The following DNAAF5 variants were observed in gnomAD, a reference collection of about 807,000 sequenced individuals.
DNAAF5 encodes the protein dynein axonemal assembly factor 5.
A neutral mutation model predicts 75.8 loss-of-function variants in DNAAF5; 64 were observed. The ratio of observed to expected loss-of-function variants is 0.84; its 90% CI spans 0.69 to 1.04. The LOEUF is 1.04. Ranked by LOEUF, DNAAF5 falls within the 50% of genes least tolerant of loss-of-function variation. DNAAF5 has a pLI of 0.00. For synonymous variants in DNAAF5, 657 were observed against 557.2 expected (o/e 1.18, Z -2.52); for missense variants, 1,269 against 1,178.5 (o/e 1.08, Z -1.12).
At chr7:755,844 T>G (rs1226798801) in intron 5 of DNAAF5, among the ~76,000 whole-genome samples, 1 of 152,262 alleles carries the variant, frequency 6.6e-6, no homozygotes, top group Non-Finnish European at 1.5e-5. Flanking sequence ...AATTTAAAAT[T>G]GTCTGTAGTT....
At chr7:758,303 TA>T (rs1212889311) in intron 6 of DNAAF5, among the ~76,000 whole-genome samples, 3 of 152,260 alleles carry the variant, frequency 2.0e-5, no homozygotes, top group Non-Finnish European at 4.4e-5. Context: ...ACAAACTTTA[TA>T]GCAAAGAAAG....
chr7:737,564 T>C (rs558139760), intron 2 of DNAAF5, among the ~76,000 whole-genome samples: 2 of 152,336 alleles, frequency 1.3e-5, no homozygotes, highest in South Asian at 4.1e-4. Flanking sequence ...ATCCTTATTT[T>C]TCAGATTGAA....
chr7:740,461 A>G (rs1439885676), intron 2 of DNAAF5, among the ~76,000 whole-genome samples: 1 of 152,202 alleles, frequency 6.6e-6, no homozygotes, highest in African/African-American at 2.4e-5. Flanking sequence ...GTTTTCATGC[A>G]GAAGACTTTG....
chr7:752,590 G>C (rs1157894031), intron 4 of DNAAF5, among the ~76,000 whole-genome samples: 1 of 145,924 alleles, frequency 6.9e-6, no homozygotes, highest in Non-Finnish European at 1.5e-5. Context: ...CGTGACCGCG[G>C]GCCAGGCCAC....
intron 4 of DNAAF5, among the ~76,000 whole-genome samples, chr7:751,303 A>T (rs551497894): frequency 3.3e-5 from 5 of 152,324 alleles, no homozygotes; most frequent in South Asian, 2.1e-4. Flanking sequence ...GAAAAAGGTT[A>T]AAAATGGGGT....
Position 754,265 on chromosome 7 carries a change from C to T in DNAAF5, c.1025-324C>T, listed in dbSNP as rs949047632. Among the ~76,000 whole-genome samples the T allele has an allele frequency of 2.0e-5, 3 of 152,174 alleles. No individual in the cohort carries two copies. The highest frequency in any genetic ancestry group is 6.5e-5 in the Admixed American group (1 of 15,280). ...TCAGACTCCTGCGTAGCTGGGACCACAGGCATGCACCACGGCACCTGGCTA... is the reference window on the plus strand; with the variant it reads ...TCAGACTCCTGCGTAGCTGGGACCATAGGCATGCACCACGGCACCTGGCTA... On this transcript the variant is annotated intron_variant, in intron 4 of 12. Coordinates refer to ENST00000297440, the MANE Select transcript of DNAAF5 (RefSeq NM_017802.4). This position sits in a 1 kb window ranked among gnomAD's most constrained non-coding sequence, Gnocchi z 4.8.
intron 2 of DNAAF5, among the ~76,000 whole-genome samples, chr7:740,363 C>A (rs2128072636): frequency 6.6e-6 from 1 of 152,308 alleles, no homozygotes; most frequent in South Asian, 2.1e-4. Context: ...GACCAGACGC[C>A]TTTGAGGTAT....
At chr7:769,317 C>G in intron 8 of DNAAF5, 1 of 656,588 alleles carries the variant, frequency 1.5e-6, no homozygotes, top group Non-Finnish European at 2.8e-6. Flanking sequence ...CCTTCAGCTC[C>G]TGGGCCTGCA....
rs1782654373 is a variant in DNAAF5, at chr7:761,816, TGTGGC to T, written c.1540_1544del (p.Val514GlnfsTer61). 1 of 1,608,358 alleles carries T rather than the reference TGTGGC, an allele frequency of 6.2e-7. No homozygotes were observed. The highest frequency in any genetic ancestry group is 1.3e-5 in the African/African-American group (1 of 74,800). On this transcript the variant is annotated frameshift_variant, in exon 7 of 13. Transcript: ENST00000297440. LOFTEE classifies it high-confidence loss of function. ...TCTGGTGTCTGTGTGTCATGAGGAC[TGTGGC>T]GTGGCCAGCCTGCAGCTCTTGGACG...
intron 4 of DNAAF5, among the ~76,000 whole-genome samples, chr7:746,028 C>T (rs540578717): frequency 2.0e-5 from 3 of 152,330 alleles, no homozygotes; most frequent in Non-Finnish European, 2.9e-5. Flanking sequence ...ATAAGCACTA[C>T]GTTGTGTTAG....
At chr7:745,629 A>G (rs533291318) in intron 4 of DNAAF5, among the ~76,000 whole-genome samples, 2 of 152,324 alleles carry the variant, frequency 1.3e-5, no homozygotes, top group Non-Finnish European at 2.9e-5. Flanking sequence ...ACACACGTGT[A>G]CATGTATATC....
intron 2 of DNAAF5, among the ~76,000 whole-genome samples, chr7:733,356 A>G (rs1781641746): frequency 6.6e-6 from 1 of 152,200 alleles, no homozygotes; most frequent in Admixed American, 6.6e-5. Context: ...GTATTTTGAT[A>G]GGGATTGCGT....
Position 726,729 on chromosome 7 carries a change from G to C in DNAAF5, c.9G>C (p.Ala3=). Residue 3 remains alanine (A), a synonymous_variant, in exon 1 of 13, where the codon GCG becomes GCC. Transcript: ENST00000297440. The stretch of plus-strand genomic sequence containing the variant: ...CCGGCGACGCGGGCAAGATGGCGGC[G>C]CTGGGGGTGGCGGAGGCCGTGGCGG... The part of the protein sequence containing the change: MA[A]LGVAEAVAAP... 1 of 1,240,288 alleles carries C rather than the reference G, an allele frequency of 8.1e-7. No homozygotes were observed. The highest frequency in any genetic ancestry group is 1.0e-6 in the Non-Finnish European group (1 of 993,114). The allele number at this position is 1,240,288 out of a possible 1,614,324, so 76.8% of individuals were successfully genotyped here.
chr7:761,383 GTCGC>G (rs1782638603), intron 6 of DNAAF5, among the ~76,000 whole-genome samples: 1 of 152,230 alleles, frequency 6.6e-6, no homozygotes, highest in Admixed American at 6.5e-5. Context: ...CCATTCTCAT[GTCGC>G]TAATAAAGAT....
At chr7:762,467 G>A (rs544829733) in intron 7 of DNAAF5, among the ~76,000 whole-genome samples, 10 of 149,900 alleles carry the variant, frequency 6.7e-5, no homozygotes, top group Non-Finnish European at 1.0e-4. Context: ...AGCCTGGGCT[G>A]AGCAACAGAG....
chr7:785,615 C>G lies in DNAAF5; in HGVS notation c.2530C>G (p.Leu844Val). The G allele has an allele frequency of 6.2e-7, 1 of 1,613,166 alleles. No individual in the cohort carries two copies. The highest frequency in any genetic ancestry group is 8.5e-7 in the Non-Finnish European group (1 of 1,180,026). Residue 844 changes from leucine (L) to valine (V), a missense_variant, in exon 13 of 13, where the codon CTC becomes GTC. By Grantham distance (32) the Leu-to-Val change is conservative. Transcript: ENST00000297440. ...CCGCTCGGCCACCTACTGCGAGCAG[C>G]TCCTGCAGCATGTGCAGGCCGTGCC... is the stretch of plus-strand genomic sequence containing the variant. Reference protein sequence around the residue: ...KHRSATYCEQLLQHVQAVPAT... With the variant: ...KHRSATYCEQVLQHVQAVPAT...
At position 775,018 on chromosome 7, in the gene DNAAF5, C is replaced by G; in HGVS notation, c.2095C>G (p.Gln699Glu). 1 of 1,613,820 alleles carries G rather than the reference C, an allele frequency of 6.2e-7. No homozygotes were observed. The highest frequency in any genetic ancestry group is 8.5e-7 in the Non-Finnish European group (1 of 1,179,914). Residue 699 changes from glutamine (Q) to glutamate (E), a missense_variant, in exon 11 of 13, where the codon CAG becomes GAG. Gln to Glu is a conservative substitution (Grantham distance 29). Transcript: ENST00000297440. ...VLSAEQIRDVQETLMPQVLTT... is the reference protein window; with the variant it reads ...VLSAEQIRDVEETLMPQVLTT... ...TTGCTGATTGCAGATACGGGACGTG[C>G]AGGAAACACTGATGCCCCAGGTCCT...
At chr7:760,214 A>G (rs1022803415) in intron 6 of DNAAF5, among the ~76,000 whole-genome samples, 1 of 152,044 alleles carries the variant, frequency 6.6e-6, no homozygotes, top group Non-Finnish European at 1.5e-5. Flanking sequence ...GTACAGTGGG[A>G]GTGTTTTGTT....
At chr7:734,288 T>C (rs1781667923) in intron 2 of DNAAF5, among the ~76,000 whole-genome samples, 1 of 152,238 alleles carries the variant, frequency 6.6e-6, no homozygotes, top group Non-Finnish European at 1.5e-5. Flanking sequence ...ACCCAGTTTT[T>C]TGAAGATTTT....
Sources: gnomAD v4.1 joint callset for allele counts (sites outside exome capture counted in the v4.1 genomes callset) on GRCh38, gnomAD v4.1.1 for gene constraint, Gnocchi (gnomAD v3.1) non-coding constraint, MANE v1.5 for transcripts, NCBI Gene and HGNC (gene_info 2026-07-23, HGNC 2026-07-21) for gene names.